Variants in SLC9A9 observed in about 807,000 individuals in gnomAD.
SLC9A9 encodes sodium/hydrogen exchanger 9.
Under a neutral mutation model 77.8 loss-of-function variants are expected in SLC9A9, and 62 were observed. The ratio of observed to expected loss-of-function variants is 0.80; its 90% confidence interval spans 0.65 to 0.98. The LOEUF is 0.98. Ranked by LOEUF, SLC9A9 falls within the 50% of genes least tolerant of loss-of-function variation. The pLI, the probability that SLC9A9 is intolerant of heterozygous loss-of-function variation, is 0.00. For synonymous variants in SLC9A9, 320 were observed against 283.5 expected (o/e 1.13, Z -1.29); for missense variants, 775 against 774.9 (o/e 1.00, Z 0.00).
At chr3:143,287,382 T>C (rs1010118946) in intron 14 of SLC9A9, among the ~76,000 whole-genome samples, 1 of 152,076 alleles carries the variant, frequency 6.6e-6, no homozygotes, top group Non-Finnish European at 1.5e-5. Context: ...CAAAAAGTGC[T>C]ATGGACAAGA....
At chr3:143,788,911 T>C (rs2008137331) in intron 4 of SLC9A9, among the ~76,000 whole-genome samples, 1 of 152,022 alleles carries the variant, frequency 6.6e-6, no homozygotes, top group South Asian at 2.1e-4. Flanking sequence ...AAAGGTATCA[T>C]ACAAAAATGT....
At chr3:143,592,661 G>A (rs2037671559) in intron 6 of SLC9A9, among the ~76,000 whole-genome samples, 1 of 152,162 alleles carries the variant, frequency 6.6e-6, no homozygotes, top group African/African-American at 2.4e-5. Flanking sequence ...GTAACACCAT[G>A]AAGCATACAT....
At chr3:143,781,437 T>C (rs1484761001) in intron 4 of SLC9A9, among the ~76,000 whole-genome samples, 1 of 152,136 alleles carries the variant, frequency 6.6e-6, no homozygotes. Flanking sequence ...AAAGGCACAA[T>C]AAATACAGGC....
intron 4 of SLC9A9, among the ~76,000 whole-genome samples, chr3:143,694,979 T>C (rs1933587711): frequency 6.6e-6 from 1 of 152,078 alleles, no homozygotes; most frequent in African/African-American, 2.4e-5. Flanking sequence ...TTAACCAGGC[T>C]GAAGGTATTA....
intron 13 of SLC9A9, 54 bp downstream of exon 13, chr3:143,382,006 A>G: frequency 1.3e-6 from 2 of 1,600,004 alleles, no homozygotes; most frequent in Non-Finnish European, 8.6e-7. Context: ...GGAACAGCCT[A>G]TGGAACAGAA....
chr3:143,837,554 A>G lies in SLC9A9; in HGVS notation c.176-5333T>C, dbSNP rs572659612. Among the ~76,000 whole-genome samples the G allele has an allele frequency of 3.7e-3, 566 of 152,282 alleles. 5 individuals carry two copies. Among genetic ancestry groups the G allele is most frequent in the African/African-American group, 0.013 (544 of 41,542 alleles). On this transcript the variant is annotated intron_variant, in intron 1 of 15. Transcript: ENST00000316549. ...TAATATTATATAATATCATATTTCAAACTGGTAAGTGTATCAGGTCCTATT... is the reference window on the plus strand; with the variant it reads ...TAATATTATATAATATCATATTTCAGACTGGTAAGTGTATCAGGTCCTATT...
rs145161673 is a variant in SLC9A9, at chr3:143,388,952, G to A, written c.1470-6838C>T. On this transcript the variant is annotated intron_variant, in intron 12 of 15. Coordinates refer to ENST00000316549, the MANE Select transcript of SLC9A9 (RefSeq NM_173653.4). ...AATGAGTTTAATGGTAAGAGAAAAG[G>A]TTGGGGAGGGGACTCCAGGCACGGC... Among the ~76,000 whole-genome samples, 92 of 152,318 alleles carry A rather than the reference G, an allele frequency of 6.0e-4. 1 individual carries two copies. Among genetic ancestry groups the A allele is most frequent in the African/African-American group, 2.2e-3 (90 of 41,564 alleles).
chr3:143,643,024 T>G (rs78071403), intron 6 of SLC9A9, among the ~76,000 whole-genome samples: 1 of 152,212 alleles, frequency 6.6e-6, no homozygotes, highest in Non-Finnish European at 1.5e-5. Flanking sequence ...GATTTACTTT[T>G]GTTTTGCTTA....
rs116593377 is a variant in SLC9A9 at position 143,832,492 on chromosome 3, C to T, written c.176-271G>A. Among the ~76,000 whole-genome samples the T allele has an allele frequency of 5.3e-3, 809 of 152,202 alleles. 7 individuals are homozygous for T. The highest frequency in any genetic ancestry group is 0.019 in the African/African-American group (775 of 41,512). Reference sequence around the variant, plus strand: ...TACTAATTTTGGAGAGAAAAGATACCTAACTCCTTCTATCCATCCAAATAC... The same window carrying T: ...TACTAATTTTGGAGAGAAAAGATACTTAACTCCTTCTATCCATCCAAATAC... On this transcript the variant is annotated intron_variant, in intron 1 of 15. Coordinates refer to ENST00000316549, the MANE Select transcript of SLC9A9 (RefSeq NM_173653.4).
chr3:143,704,340 C>T (rs1933893526), intron 4 of SLC9A9, among the ~76,000 whole-genome samples: 1 of 152,156 alleles, frequency 6.6e-6, no homozygotes. Flanking sequence ...TGCTAGCAAA[C>T]TGAATTCAAT....
At chr3:143,653,912 C>T (rs184038175) in intron 5 of SLC9A9, among the ~76,000 whole-genome samples, 55 of 152,120 alleles carry the variant, frequency 3.6e-4, no homozygotes, top group African/African-American at 1.3e-3. Flanking sequence ...CACAGTGATG[C>T]GACATAGTAA....
intron 14 of SLC9A9, among the ~76,000 whole-genome samples, chr3:143,272,318 G>A (rs892998021): frequency 6.6e-6 from 1 of 152,094 alleles, no homozygotes; most frequent in Non-Finnish European, 1.5e-5. Context: ...CCCTTTTCTC[G>A]AAACTGTGGT....
intron 9 of SLC9A9, among the ~76,000 whole-genome samples, chr3:143,497,749 A>G (rs1450092354): frequency 6.6e-6 from 1 of 152,212 alleles, no homozygotes; most frequent in African/African-American, 2.4e-5. Context: ...TCATTACTCT[A>G]AAACAGTCCT....
At chr3:143,773,573 C>T (rs1256009990) in intron 4 of SLC9A9, among the ~76,000 whole-genome samples, 1 of 151,628 alleles carries the variant, frequency 6.6e-6, no homozygotes, top group Non-Finnish European at 1.5e-5. Context: ...CAACCTCTGC[C>T]CCCTGGGTTC....
intron 14 of SLC9A9, among the ~76,000 whole-genome samples, chr3:143,345,335 G>A (rs796961927): frequency 7.9e-5 from 12 of 152,210 alleles, no homozygotes; most frequent in African/African-American, 2.9e-4. Flanking sequence ...CCTGAAAATG[G>A]CCAGAAAAGT....
intron 14 of SLC9A9, among the ~76,000 whole-genome samples, chr3:143,301,155 T>A (rs1312103302): frequency 1.3e-5 from 2 of 152,224 alleles, no homozygotes; most frequent in African/African-American, 4.8e-5. Flanking sequence ...CCACAGGATG[T>A]GTGTATGGTC....
intron 8 of SLC9A9, among the ~76,000 whole-genome samples, chr3:143,571,191 T>C (rs1019880066): frequency 3.9e-5 from 6 of 152,166 alleles, no homozygotes; most frequent in African/African-American, 1.4e-4. Flanking sequence ...GGAGCTACAT[T>C]AAGTGTTGTT....
intron 6 of SLC9A9, among the ~76,000 whole-genome samples, chr3:143,589,347 C>A (rs73867679): frequency 0.095 from 14,428 of 152,014 alleles, 1,239 homozygotes; most frequent in African/African-American, 0.23. Context: ...AATTATCTAA[C>A]AAAAAAAGTA....
chr3:143,501,672 AT>A (rs1464360353), intron 9 of SLC9A9, among the ~76,000 whole-genome samples: 1 of 150,992 alleles, frequency 6.6e-6, no homozygotes, highest in East Asian at 1.9e-4. Flanking sequence ...GGTTGTTGGC[AT>A]TTTAAAAAAG....
Sources: allele counts gnomAD v4.1 joint callset (sites outside exome capture counted in the v4.1 genomes callset), GRCh38; gene constraint gnomAD v4.1.1; transcripts MANE v1.5; gene names NCBI Gene and HGNC (gene_info 2026-07-23, HGNC 2026-07-21).